The following KHDRBS3 variants were observed in gnomAD, a reference collection of about 807,000 sequenced individuals.
The protein encoded by KHDRBS3 is KH domain-containing, RNA-binding, signal transduction-associated protein 3.
KHDRBS3 carries 23 observed loss-of-function variants against 45.6 expected under a neutral mutation model. That is an observed-to-expected ratio of 0.50 (90% CI 0.36 to 0.72). KHDRBS3 has a LOEUF of 0.72. Among genes scored for constraint, KHDRBS3 ranks in the 30% least tolerant of loss-of-function variants. The pLI is 0.00. For missense variants in KHDRBS3, 352 were observed against 424.8 expected (o/e 0.83, Z 1.51); for synonymous variants, 162 against 156.5 (o/e 1.04, Z -0.26).
chr8:135,655,704 C>T (rs1284864229), intron 4 of KHDRBS3, among the ~76,000 whole-genome samples: 3 of 151,054 alleles, frequency 2.0e-5, no homozygotes, highest in African/African-American at 7.3e-5. Flanking sequence ...CCACAATGGC[C>T]ATTTCTCTGC....
At chr8:135,586,825 T>C (rs2130944706) in intron 6 of KHDRBS3, among the ~76,000 whole-genome samples, 1 of 152,304 alleles carries the variant, frequency 6.6e-6, no homozygotes, top group Non-Finnish European at 1.5e-5. Context: ...GGCCATTATT[T>C]CCAGAATAAA....
intron 7 of KHDRBS3, among the ~76,000 whole-genome samples, chr8:135,631,907 A>G (rs1055803587): frequency 1.3e-5 from 2 of 152,208 alleles, no homozygotes; most frequent in African/African-American, 4.8e-5. Flanking sequence ...TATTTACACC[A>G]GTGTCACCAA....
chr8:135,639,563 A>G (rs570405020), intron 7 of KHDRBS3, among the ~76,000 whole-genome samples: 1 of 152,298 alleles, frequency 6.6e-6, no homozygotes, highest in East Asian at 1.9e-4. Flanking sequence ...CACAAAAAGA[A>G]AAATACTCTC....
At chr8:135,491,642 G>T (rs1823156090) in intron 1 of KHDRBS3, among the ~76,000 whole-genome samples, 1 of 152,166 alleles carries the variant, frequency 6.6e-6, no homozygotes, top group South Asian at 2.1e-4. Flanking sequence ...GGAGAAGAGA[G>T]TTGACATTCA....
intron 1 of KHDRBS3, among the ~76,000 whole-genome samples, chr8:135,460,340 T>C (rs565258328): frequency 1.3e-5 from 2 of 152,222 alleles, no homozygotes; most frequent in African/African-American, 2.4e-5. Flanking sequence ...TAACAAGGCC[T>C]TACATTTGCA....
intron 5 of KHDRBS3, among the ~76,000 whole-genome samples, chr8:135,568,017 A>G (rs1026128958): frequency 2.6e-5 from 4 of 152,216 alleles, no homozygotes; most frequent in Admixed American, 6.5e-5. Context: ...CAGCACTGCC[A>G]ATATTACAAG....
At chr8:135,523,709 T>C (rs56099500) in intron 2 of KHDRBS3, among the ~76,000 whole-genome samples, 15,916 of 152,204 alleles carry the variant, frequency 0.1, 920 homozygotes, top group East Asian at 0.18. Flanking sequence ...TATTTTAACA[T>C]TAAGAACAAT....
chr8:135,571,212 G>T (rs1397251018), intron 5 of KHDRBS3, among the ~76,000 whole-genome samples: 1 of 152,124 alleles, frequency 6.6e-6, no homozygotes, highest in Non-Finnish European at 1.5e-5. Context: ...TGACACCTGG[G>T]TTGCCAACTT....
intron 1 of KHDRBS3, among the ~76,000 whole-genome samples, chr8:135,519,524 A>C (rs1824797366): frequency 6.6e-6 from 1 of 152,200 alleles, no homozygotes; most frequent in Non-Finnish European, 1.5e-5. Context: ...ACTGTTAGTG[A>C]CCAAAGTTTC....
intron 7 of KHDRBS3, chr8:135,625,216 C>T (rs187827872): frequency 2.1e-6 from 3 of 1,405,344 alleles, no homozygotes; most frequent in South Asian, 1.2e-5. Context: ...CTGTGGGCCT[C>T]CTTCATCAGA....
At chr8:135,622,980 C>G (rs1221952697) in intron 7 of KHDRBS3, among the ~76,000 whole-genome samples, 1 of 152,338 alleles carries the variant, frequency 6.6e-6, no homozygotes, top group Non-Finnish European at 1.5e-5. Context: ...ATCTGTGACC[C>G]CTTTTCTACT....
chr8:135,583,264 A>G lies in KHDRBS3; in HGVS notation c.807+1191A>G, dbSNP rs560383603. On this transcript the variant is annotated intron_variant, in intron 6 of 8. Transcript: ENST00000355849. ...AGAGTGCATACTGGGAGCCCACTGAATTATATTTTAACAAATCCCGTAATA... is the reference window on the plus strand; with the variant it reads ...AGAGTGCATACTGGGAGCCCACTGAGTTATATTTTAACAAATCCCGTAATA... 8.5e-5 allele frequency among the ~76,000 whole-genome samples: 13 copies of G among 152,288 alleles called. No individual in the cohort carries two copies. In the South Asian group the frequency reaches 2.5e-3, roughly 29 times the overall value.
intron 1 of KHDRBS3, among the ~76,000 whole-genome samples, chr8:135,496,681 T>G (rs539432693): frequency 6.6e-6 from 1 of 152,366 alleles, no homozygotes; most frequent in South Asian, 2.1e-4. Flanking sequence ...ATGTATATAT[T>G]TTATTTATTG....
At chr8:135,612,952 G>A (rs1829765927) in intron 7 of KHDRBS3, among the ~76,000 whole-genome samples, 1 of 151,606 alleles carries the variant, frequency 6.6e-6, no homozygotes, top group Admixed American at 6.6e-5. Flanking sequence ...TTTTACATGT[G>A]GCTACTGGAA....
At chr8:135,562,358 T>C (rs1463213549) in intron 5 of KHDRBS3, among the ~76,000 whole-genome samples, 1 of 152,238 alleles carries the variant, frequency 6.6e-6, no homozygotes, top group East Asian at 1.9e-4. Flanking sequence ...AATAACATGC[T>C]GAACAAGTCT....
intron 7 of KHDRBS3, among the ~76,000 whole-genome samples, chr8:135,630,146 G>A (rs1830533814): frequency 1.3e-5 from 2 of 152,192 alleles, no homozygotes; most frequent in Non-Finnish European, 2.9e-5. Context: ...ATTGCCTATG[G>A]AGTCCCACCT....
chr8:135,528,581 T>C (rs1357777966), intron 2 of KHDRBS3, among the ~76,000 whole-genome samples: 2 of 152,232 alleles, frequency 1.3e-5, no homozygotes, highest in African/African-American at 4.8e-5. Context: ...ATAATGTACA[T>C]GTAGGCTAGT....
At chr8:135,475,731 G>C (rs752695055) in intron 1 of KHDRBS3, among the ~76,000 whole-genome samples, 4 of 152,108 alleles carry the variant, frequency 2.6e-5, no homozygotes, top group Non-Finnish European at 5.9e-5. Flanking sequence ...TTCTTGCTAA[G>C]TGTCAGATAC....
intron 4 of KHDRBS3, among the ~76,000 whole-genome samples, chr8:135,552,325 A>G (rs1323672083): frequency 2.0e-5 from 3 of 151,486 alleles, no homozygotes; most frequent in African/African-American, 7.3e-5. Flanking sequence ...TTCTCCATGT[A>G]CCTCAGACTG....
Sources: allele counts gnomAD v4.1 joint callset (sites outside exome capture counted in the v4.1 genomes callset), GRCh38; gene constraint gnomAD v4.1.1; transcripts MANE v1.5; gene names NCBI Gene and HGNC (gene_info 2026-07-23, HGNC 2026-07-21).